The following MDN1 variants were observed in gnomAD, a reference collection of about 807,000 sequenced individuals.
MDN1 encodes midasin.
In MDN1, 266 loss-of-function variants were observed where a neutral mutation model predicts 669.2. The ratio of observed to expected loss-of-function variants is 0.40; its 90% CI spans 0.36 to 0.44. The LOEUF (loss-of-function observed/expected upper bound fraction) is 0.44, where lower values mean the gene tolerates loss of function less well. Ranked by LOEUF, MDN1 falls within the 20% of genes least tolerant of loss-of-function variation. MDN1 has a pLI of 1.00. For synonymous variants in MDN1, 2,385 were observed against 2,457.1 expected (o/e 0.97, Z 0.87); for missense variants, 5,940 against 6,754.0 (o/e 0.88, Z 4.22).
chr6:89,790,173 G>C lies in MDN1; in HGVS notation c.1084C>G (p.Gln362Glu), dbSNP rs936337513. ...TTCCTTATTACCTTACTGTCAGTCT[G>C]ATCTCCAAGCTGGACTTTGAGAAGC... ...PQLLKVQLGDQTDSKMLLGMY... is the reference protein window; with the variant it reads ...PQLLKVQLGDETDSKMLLGMY... The change falls in exon 6 of 102, where the codon CAG (glutamine) becomes GAG (glutamate). Residue 362 changes from glutamine to glutamate, a missense_variant. Transcript: ENST00000369393. 6.2e-7 allele frequency: 1 copy of C among 1,614,006 alleles called. No homozygotes were observed. The highest frequency in any genetic ancestry group is 8.5e-7 in the Non-Finnish European group (1 of 1,180,002).
rs1813055469 is a variant in MDN1, at chr6:89,700,220, T to C, written c.8713A>G (p.Lys2905Glu). Residue 2905 changes from lysine to glutamate, a missense_variant, in exon 57 of 102, where the codon AAA becomes GAA. Lys to Glu is a moderately conservative substitution (Grantham distance 56, BLOSUM62 1). This residue lies in a region of MDN1 where 2,292 missense variants were observed against 2,638.3 expected (regional missense o/e 0.87). Transcript: ENST00000369393. The stretch of plus-strand genomic sequence containing the variant: ...AGGGAGGAAGCTTCATCATGCTTTT[T>C]CTCCAGAAAACCAAGTGAGAGTCCT... ...AKGLSLGFLE[K>E]KHDEASSLSH... 6.2e-7 allele frequency: 1 copy of C among 1,614,154 alleles called. No homozygotes were observed. Among genetic ancestry groups the C allele is most frequent in the Non-Finnish European group, 8.5e-7 (1 of 1,180,040 alleles).
chr6:89,705,996 A>C, intron 53 of MDN1, 63 bp downstream of exon 53: 2 of 1,443,552 alleles, frequency 1.4e-6, no homozygotes, highest in Non-Finnish European at 1.9e-6. Context: ...TAGCCCTAAG[A>C]ATCTTTATGC....
At chr6:89,754,295 T>G in intron 20 of MDN1, 65 bp from the exon 21 acceptor site, 2 of 1,506,848 alleles carry the variant, frequency 1.3e-6, no homozygotes, top group Non-Finnish European at 1.8e-6. Flanking sequence ...ATCAATTCTC[T>G]ACAGAAAACC....
chr6:89,699,722 C>T lies in MDN1; in HGVS notation c.8876G>A (p.Ser2959Asn), dbSNP rs771601678. 57 of 1,613,476 alleles carry T rather than the reference C, an allele frequency of 3.5e-5. No individual in the cohort carries two copies. Among genetic ancestry groups the T allele is most frequent in the Non-Finnish European group, 4.7e-5 (55 of 1,179,820 alleles). ...ATTTATCTGGGGTTGTTGATTTTTG[C>T]TGCATCTGTTCCAAAAATAAAGAGG... ...FMAQACLRRC[S>N]KNQQPQINEE... Residue 2959 changes from serine (S) to asparagine (N), a missense_variant, in exon 58 of 102, where the codon AGC becomes AAC. This residue lies in a region of MDN1 where 2,292 missense variants were observed against 2,638.3 expected (regional missense o/e 0.87). Coordinates refer to ENST00000369393, the MANE Select transcript of MDN1 (RefSeq NM_014611.3).
chr6:89,725,918 T>C (rs1251313850), intron 37 of MDN1, among the ~76,000 whole-genome samples: 2 of 133,910 alleles, frequency 1.5e-5, no homozygotes, highest in Non-Finnish European at 3.1e-5. Context: ...AGAGATTTTG[T>C]CTGGTATTTT....
rs758141269 is a variant in MDN1, at chr6:89,683,278, G to A, written c.11956C>T (p.Arg3986Trp). ...KFEAVLSEPC[R>W]SSLVESDKEE... ...TTGTCACTCTCCACCAGGGATGACC[G>A]GCAGGGTTCACTCAGGACTGCTTCA... Residue 3986 changes from arginine to tryptophan, a missense_variant, in exon 73 of 102, where the codon CGG becomes TGG. Physicochemically the swap from Arg to Trp is moderately radical, Grantham distance 101 (BLOSUM62 -3). This residue lies in a region of MDN1 where 2,280 missense variants were observed against 2,576.3 expected (regional missense o/e 0.88). Coordinates refer to ENST00000369393, the MANE Select transcript of MDN1 (RefSeq NM_014611.3). 8.7e-6 allele frequency: 14 copies of A among 1,614,016 alleles called. No individual in the cohort carries two copies. Among genetic ancestry groups the A allele is most frequent in the South Asian group, 3.3e-5 (3 of 91,074 alleles).
At position 89,762,314 on chromosome 6, in the gene MDN1, C is replaced by CA. The variant is rs779462146; in HGVS notation, c.2356+4_2356+5insT. The CA allele has an allele frequency of 6.2e-7, 1 of 1,613,018 alleles. No individual in the cohort carries two copies. ...CCCCCATGGCAGCCTGGGTCACATCCTTACCAGTTTCACTGTCTTTTCCAT... is the reference window on the plus strand; with the variant it reads ...CCCCCATGGCAGCCTGGGTCACATCCATTACCAGTTTCACTGTCTTTTCCAT... On this transcript the variant is annotated splice_donor_region_variant and intron_variant, in intron 16 of 101. Transcript: ENST00000369393.
In MDN1 at chr6:89,803,364, A is replaced by G. The variant is rs953626191; in HGVS notation, c.293T>C (p.Met98Thr). The change falls in exon 2 of 102, where the codon ATG becomes ACG. Residue 98 changes from methionine to threonine, a missense_variant. Met to Thr is a moderately conservative substitution (Grantham distance 81). This residue lies in a region of MDN1 where 1,203 missense variants were observed against 1,268.9 expected (regional missense o/e 0.95). Coordinates refer to ENST00000369393, the MANE Select transcript of MDN1 (RefSeq NM_014611.3). ...HDLHERLCVS[M>T]SKLIGNHPDV... ...AGGATGGTTACCAATGAGTTTGCTC[A>G]TCGACACACATAGCCGTTCATGCAG... 1.9e-6 allele frequency: 3 copies of G among 1,614,086 alleles called. No individual in the cohort carries two copies. Among genetic ancestry groups the G allele is most frequent in the African/African-American group, 2.7e-5 (2 of 74,926 alleles).
intron 71 of MDN1, among the ~76,000 whole-genome samples, chr6:89,684,202 G>T (rs536243075): frequency 1.3e-5 from 2 of 152,192 alleles, no homozygotes; most frequent in South Asian, 4.2e-4. Flanking sequence ...AAATAGCCGG[G>T]CTTGGTGGCT....
At chr6:89,818,273 G>A (rs1287230914) in intron 1 of MDN1, among the ~76,000 whole-genome samples, 1 of 146,964 alleles carries the variant, frequency 6.8e-6, no homozygotes, top group Admixed American at 6.9e-5. Flanking sequence ...GAGCTGAGAG[G>A]GTGGGCCATT....
At chr6:89,645,874 T>C (rs1321988898) in intron 100 of MDN1, among the ~76,000 whole-genome samples, 3 of 152,220 alleles carry the variant, frequency 2.0e-5, no homozygotes, top group African/African-American at 4.8e-5. Flanking sequence ...TGAGAGATTT[T>C]TGGAAAAGAA....
At chr6:89,766,298 CAAA>C (rs531200887) in intron 15 of MDN1, among the ~76,000 whole-genome samples, 1 of 122,870 alleles carries the variant, frequency 8.1e-6, no homozygotes. Context: ...GACTCCATCT[CAAA>C]AAAAAAAAAG....
In MDN1 at chr6:89,707,713, C is replaced by CA. The variant is rs35891302; in HGVS notation, c.7899-238dup. 6.5e-3 allele frequency among the ~76,000 whole-genome samples: 988 copies of CA among 152,276 alleles called. 9 individuals are homozygous for CA. The highest frequency in any genetic ancestry group is 0.011 in the Non-Finnish European group (754 of 68,036). ...GGCAGACTCCCAGGCCTTGGTCTGT[C>CA]ACGATCTGACAAACTGCACCGTGAA... On this transcript the variant is annotated intron_variant, in intron 51 of 101. Coordinates refer to ENST00000369393, the MANE Select transcript of MDN1 (RefSeq NM_014611.3).
intron 14 of MDN1, among the ~76,000 whole-genome samples, chr6:89,772,092 C>T (rs909128811): frequency 1.3e-5 from 2 of 152,048 alleles, no homozygotes; most frequent in Non-Finnish European, 2.9e-5. Context: ...AGCTAGACCT[C>T]GTCTTTACAA....
Position 89,794,212 on chromosome 6 carries a change from G to A in MDN1, c.555-5C>T. The A allele has an allele frequency of 6.6e-7, 1 of 1,507,370 alleles. No individual in the cohort carries two copies. The highest frequency in any genetic ancestry group is 9.0e-7 in the Non-Finnish European group (1 of 1,108,208). 93.4% of individuals were successfully genotyped at this position (1,507,370 alleles called of 1,614,324 possible). On this transcript the variant is annotated splice_region_variant and splice_polypyrimidine_tract_variant and intron_variant, in intron 3 of 101. Coordinates refer to ENST00000369393, the MANE Select transcript of MDN1 (RefSeq NM_014611.3). ...GCAAGACAATTGGCTGTATACCTAG[G>A]GAAAAAGAAAGTATGTAAATTCAGT...
At chr6:89,658,565 CT>C (rs748927420) in intron 89 of MDN1, 44 bp downstream of exon 89, 87 of 1,568,818 alleles carry the variant, frequency 5.5e-5, no homozygotes, top group Non-Finnish European at 7.4e-5. Context: ...GACTTCTCCT[CT>C]TCCTCATTAT....
At position 89,655,949 on chromosome 6, in the gene MDN1, C is replaced by A; in HGVS notation, c.15305G>T (p.Gly5102Val). 10 of 1,613,816 alleles carry A rather than the reference C, an allele frequency of 6.2e-6. No homozygotes were observed. Among genetic ancestry groups the A allele is most frequent in the Non-Finnish European group, 8.5e-6 (10 of 1,180,014 alleles). The change falls in exon 92 of 102, where the codon GGG becomes GTG. Residue 5102 changes from glycine to valine, a missense_variant. Physicochemically the swap from Gly to Val is moderately radical, Grantham distance 109 (BLOSUM62 -3). Around this residue, in one of 5 missense-constraint regions of MDN1, gnomAD observed 2,280 missense variants for 2,576.3 expected, o/e 0.88. Transcript: ENST00000369393. ...KNTQSFKRKP[G>V]QADNERSMGD... Reference sequence around the variant, plus strand: ...CATGGAACGTTCATTGTCAGCCTGCCCAGGTTTCCTCTTAAAACTCTGAGA... The same window carrying A: ...CATGGAACGTTCATTGTCAGCCTGCACAGGTTTCCTCTTAAAACTCTGAGA...
In MDN1 at chr6:89,785,097, C is replaced by A; in HGVS notation, c.1364G>T (p.Arg455Leu). The change falls in exon 9 of 102, where the codon CGA (arginine) becomes CTA (leucine). Residue 455 changes from arginine to leucine, a missense_variant. This residue lies in a region of MDN1 where 1,203 missense variants were observed against 1,268.9 expected (regional missense o/e 0.95). Transcript: ENST00000369393. ...RLLSCGGNWY[R>L]PLNSHATLLD... ...CAAAGTAGCATGACTGTTTAGCGGT[C>A]GATACCAATTTCCTCCACAGCTCAA... 1 of 1,613,850 alleles carries A rather than the reference C, an allele frequency of 6.2e-7. No individual in the cohort carries two copies. The highest frequency in any genetic ancestry group is 1.1e-5 in the South Asian group (1 of 91,044).
Position 89,818,478 on chromosome 6 carries a change from A to G in MDN1, c.102+1028T>C, listed in dbSNP as rs1292823168. On this transcript the variant is annotated intron_variant, in intron 1 of 101. Coordinates refer to ENST00000369393, the MANE Select transcript of MDN1 (RefSeq NM_014611.3). The stretch of plus-strand genomic sequence containing the variant: ...GGGGGACCTTACAACTACAAAAAAA[A>G]AATTTTTTTTTTAATTAGCCACACC... Among the ~76,000 whole-genome samples the G allele has an allele frequency of 2.6e-5, 4 of 151,862 alleles. No individual in the cohort carries two copies. In the East Asian group the frequency reaches 7.8e-4, roughly 30 times the overall value.
Sources: gnomAD v4.1 joint callset for allele counts (sites outside exome capture counted in the v4.1 genomes callset) on GRCh38, gnomAD v4.1.1 for gene constraint, gnomAD v4.1.1 regional missense constraint, MANE v1.5 for transcripts, NCBI Gene and HGNC (gene_info 2026-07-23, HGNC 2026-07-21) for gene names.